JAK1: variants seen among roughly 807,000 people sequenced by gnomAD.
The protein encoded by JAK1 is Janus kinase 1.
Under a neutral mutation model 136.6 loss-of-function variants are expected in JAK1, and 16 were observed. The observed-to-expected ratio is 0.12, with a 90% CI of 0.08 to 0.18. The LOEUF (loss-of-function observed/expected upper bound fraction) is 0.18, where lower values mean the gene tolerates loss of function less well. JAK1 is among the 10% of genes least tolerant of loss of function. The probability of loss-of-function intolerance (pLI) is 1.00; values close to 1 mark genes in which losing one functional copy is unlikely to be tolerated. For missense variants in JAK1, 859 were observed against 1,450.1 expected (o/e 0.59, Z 6.62); for synonymous variants, 492 against 519.5 (o/e 0.95, Z 0.72).
intron 20 of JAK1, chr1:64,839,388 G>A: frequency 2.2e-6 from 1 of 456,986 alleles, no homozygotes; most frequent in Non-Finnish European, 3.8e-6. Context: ...GCTGGAACCA[G>A]CCCCTGGATG....
At chr1:64,851,332 CAATT>C (rs1271718338) in intron 11 of JAK1, among the ~76,000 whole-genome samples, 1 of 152,170 alleles carries the variant, frequency 6.6e-6, no homozygotes, top group Non-Finnish European at 1.5e-5. Context: ...AGTAGGCACT[CAATT>C]ATTATTTGTT....
intron 2 of JAK1, chr1:64,992,111 T>C (rs1209335918): frequency 6.6e-6 from 1 of 152,118 alleles, no homozygotes; most frequent in African/African-American, 2.4e-5. Context: ...CCAGGCGCAT[T>C]GGTTCACACC....
chr1:64,883,794 C>T (rs2101272830), intron 2 of JAK1, among the ~76,000 whole-genome samples: 1 of 152,124 alleles, frequency 6.6e-6, no homozygotes, highest in Admixed American at 6.5e-5. Context: ...CATTTGCACC[C>T]AAGTTGTAAT....
At chr1:64,917,732 G>C (rs1645424186) in intron 1 of JAK1, among the ~76,000 whole-genome samples, 1 of 152,114 alleles carries the variant, frequency 6.6e-6, no homozygotes, top group South Asian at 2.1e-4. Context: ...TATTCCATTT[G>C]GCCTATTCCT....
chr1:64,840,464 T>C lies in JAK1; in HGVS notation c.2650-669A>G, dbSNP rs112522134. On this transcript the variant is annotated intron_variant, in intron 19 of 24. Coordinates refer to ENST00000342505, the MANE Select transcript of JAK1 (RefSeq NM_002227.4). ...GCTTCTCTAGTCACAATTAACTGTT[T>C]GGAAACTCCCATTTAAGGTCCAAAG... Among the ~76,000 whole-genome samples, 521 of 152,310 alleles carry C rather than the reference T, an allele frequency of 3.4e-3. 4 individuals carry two copies. The highest frequency in any genetic ancestry group is 0.012 in the African/African-American group (487 of 41,558).
intron 1 of JAK1, among the ~76,000 whole-genome samples, chr1:64,928,788 A>AAAAAAAAAC (rs1382217001): frequency 0.018 from 1,601 of 90,630 alleles, 48 homozygotes; most frequent in African/African-American, 0.071. Context: ...CAAAAAAAAA[A>AAAAAAAAAC]AAAAAAAACA....
chr1:65,034,556 C>T (rs1396090558), intron 2 of JAK1, among the ~76,000 whole-genome samples: 1 of 152,150 alleles, frequency 6.6e-6, no homozygotes, highest in Non-Finnish European at 1.5e-5. Flanking sequence ...TAGAAAGGTA[C>T]TACAGGGTAG....
intron 3 of JAK1, among the ~76,000 whole-genome samples, chr1:64,880,692 A>G (rs1306533452): frequency 1.3e-5 from 2 of 152,222 alleles, no homozygotes; most frequent in Non-Finnish European, 2.9e-5. Flanking sequence ...TTGGCCGGGC[A>G]AAGTGGCTCA....
At position 64,927,361 on chromosome 1, in the gene JAK1, G is replaced by A. The variant is rs74083130; in HGVS notation, c.-78+38972C>T. ...CACTAGAGATGAGGGAAAGAACTGCGTCTGTCTTCCTTTTTTTTCCATCTT... is the reference window on the plus strand; with the variant it reads ...CACTAGAGATGAGGGAAAGAACTGCATCTGTCTTCCTTTTTTTTCCATCTT... On this transcript the variant is annotated intron_variant, in intron 1 of 24. Transcript: ENST00000342505. Among the ~76,000 whole-genome samples the A allele has an allele frequency of 2.6e-3, 403 of 152,316 alleles. 3 individuals carry two copies. The highest frequency in any genetic ancestry group is 9.0e-3 in the African/African-American group (373 of 41,558).
At chr1:64,938,533 G>C (rs1293939938) in intron 1 of JAK1, among the ~76,000 whole-genome samples, 2 of 152,306 alleles carry the variant, frequency 1.3e-5, no homozygotes, top group South Asian at 4.1e-4. Context: ...TGATTGGCTT[G>C]GGCTTAATGG....
At chr1:64,945,344 T>C (rs1645964945) in intron 1 of JAK1, among the ~76,000 whole-genome samples, 1 of 152,112 alleles carries the variant, frequency 6.6e-6, no homozygotes, top group Non-Finnish European at 1.5e-5. Flanking sequence ...AACCCAGCAA[T>C]TCCACTTCTG....
At chr1:64,845,008 C>A in intron 15 of JAK1, 119 bp from the exon 16 acceptor site, 2 of 1,352,548 alleles carry the variant, frequency 1.5e-6, no homozygotes, top group Non-Finnish European at 2.1e-6. Flanking sequence ...GACAGCCTGG[C>A]CCTGCTGCCA....
At chr1:65,027,110 G>A (rs781341283) in intron 2 of JAK1, among the ~76,000 whole-genome samples, 25 of 151,400 alleles carry the variant, frequency 1.7e-4, no homozygotes, top group Admixed American at 3.9e-4. Flanking sequence ...GCAGTGGTGC[G>A]ATCTCGACTC....
At chr1:64,917,783 T>C (rs56345619) in intron 1 of JAK1, among the ~76,000 whole-genome samples, 6,567 of 152,274 alleles carry the variant, frequency 0.043, 258 homozygotes, top group Admixed American at 0.14. Flanking sequence ...CACATTCCTC[T>C]TGACTCCACT....
At chr1:64,883,604 T>C (rs1644809382) in intron 2 of JAK1, 129 bp from the exon 3 acceptor site, 1 of 659,430 alleles carries the variant, frequency 1.5e-6, no homozygotes, top group Non-Finnish European at 2.6e-6. Context: ...ACCTCTCCCC[T>C]GCCCCTTCCC....
chr1:64,980,369 T>C (rs1270365713), intron 2 of JAK1, among the ~76,000 whole-genome samples: 1 of 152,140 alleles, frequency 6.6e-6, no homozygotes, highest in South Asian at 2.1e-4. Flanking sequence ...TCCCTGAAGA[T>C]GTAGGTAGGT....
chr1:64,927,583 G>C (rs1283197238), intron 1 of JAK1, among the ~76,000 whole-genome samples: 1 of 152,094 alleles, frequency 6.6e-6, no homozygotes, highest in Non-Finnish European at 1.5e-5. Flanking sequence ...TTACATTATA[G>C]GTATTTAAGA....
At chr1:65,054,833 T>C (rs1169226834) in intron 1 of JAK1, among the ~76,000 whole-genome samples, 1 of 152,198 alleles carries the variant, frequency 6.6e-6, no homozygotes, top group Non-Finnish European at 1.5e-5. Flanking sequence ...TTGGAAACCC[T>C]GGAAACATGT....
intron 1 of JAK1, among the ~76,000 whole-genome samples, chr1:64,954,444 A>C (rs537229073): frequency 2.0e-4 from 30 of 152,346 alleles, no homozygotes; most frequent in African/African-American, 7.0e-4. Flanking sequence ...CTGGGAGGAC[A>C]TGACCTACCC....
Sources: allele counts gnomAD v4.1 joint callset (sites outside exome capture counted in the v4.1 genomes callset), GRCh38; gene constraint gnomAD v4.1.1; transcripts MANE v1.5; gene names NCBI Gene and HGNC (gene_info 2026-07-23, HGNC 2026-07-21).